Variants in DENND5B observed in about 807,000 individuals in gnomAD.
DENND5B encodes the protein DENN domain containing 5B.
A neutral mutation model predicts 140.6 loss-of-function variants in DENND5B; 34 were observed. The ratio of observed to expected loss-of-function variants is 0.24; its 90% CI spans 0.18 to 0.32. DENND5B has a LOEUF of 0.32. DENND5B is among the 10% of genes least tolerant of loss of function. DENND5B has a pLI of 1.00. For synonymous variants in DENND5B, 551 were observed against 562.1 expected, an observed-to-expected ratio of 0.98 and a Z score of 0.28; for missense variants, 1,142 against 1,560.2, an observed-to-expected ratio of 0.73 and a Z score of 4.52.
Position 31,569,913 on chromosome 12 carries a change from T to C in DENND5B, c.127+20793A>G, listed in dbSNP as rs112534654. Among the ~76,000 whole-genome samples, 235 of 151,744 alleles carry C rather than the reference T, an allele frequency of 1.5e-3. 1 individual carries two copies. The highest frequency in any genetic ancestry group is 5.2e-3 in the African/African-American group (215 of 41,380). ...CTCATTCTAAAAAATTACCAAAAAA[T>C]GGCCTGGTGCGGTGGCTCATGCCTG... On this transcript the variant is annotated intron_variant, in intron 1 of 20. Coordinates refer to ENST00000389082, the MANE Select transcript of DENND5B (RefSeq NM_144973.4).
At chr12:31,518,003 A>C (rs948083830) in intron 1 of DENND5B, among the ~76,000 whole-genome samples, 1 of 152,214 alleles carries the variant, frequency 6.6e-6, no homozygotes, top group African/African-American at 2.4e-5. Flanking sequence ...GCATTGCTGG[A>C]ATAAAAAGCC....
chr12:31,483,401 T>C (rs558183284), intron 2 of DENND5B, among the ~76,000 whole-genome samples: 4 of 152,184 alleles, frequency 2.6e-5, no homozygotes, highest in Admixed American at 6.5e-5. Context: ...CCATTTGACA[T>C]TGGAATACAC....
At chr12:31,445,807 A>C (rs1325924572) in intron 6 of DENND5B, among the ~76,000 whole-genome samples, 1 of 152,056 alleles carries the variant, frequency 6.6e-6, no homozygotes, top group East Asian at 1.9e-4. Flanking sequence ...CCAAGGTAAG[A>C]TAATAACCTG....
chr12:31,588,514 T>C (rs1950480379), intron 1 of DENND5B, among the ~76,000 whole-genome samples: 1 of 152,250 alleles, frequency 6.6e-6, no homozygotes, highest in South Asian at 2.1e-4. Flanking sequence ...TTTCTTGTCA[T>C]TATTCCCTAA....
Position 31,480,137 on chromosome 12 carries a change from A to T in DENND5B, c.356T>A (p.Phe119Tyr). The change falls in exon 3 of 21, where the codon TTT becomes TAT. Residue 119 changes from phenylalanine (F) to tyrosine (Y), a missense_variant. Coordinates refer to ENST00000389082, the MANE Select transcript of DENND5B (RefSeq NM_144973.4). ...TTGCTTACTTGTAACTTCTTCATAAAAAGTGAGAACAAAACCATAGGTGCG... is the reference window on the plus strand; with the variant it reads ...TTGCTTACTTGTAACTTCTTCATAATAAGTGAGAACAAAACCATAGGTGCG... ...GSRTYGFVLTFYEEVTSKQIC... is the reference protein window; with the variant it reads ...GSRTYGFVLTYYEEVTSKQIC... 1 of 1,611,654 alleles carries T rather than the reference A, an allele frequency of 6.2e-7. No individual in the cohort carries two copies. The highest frequency in any genetic ancestry group is 8.5e-7 in the Non-Finnish European group (1 of 1,178,660).
At chr12:31,539,718 A>C (rs1276605811) in intron 1 of DENND5B, among the ~76,000 whole-genome samples, 1 of 152,172 alleles carries the variant, frequency 6.6e-6, no homozygotes, top group Non-Finnish European at 1.5e-5. Context: ...CTTGGTATAG[A>C]AGAAACATAT....
At chr12:31,414,934 A>G (rs1450267675) in intron 12 of DENND5B, among the ~76,000 whole-genome samples, 6 of 151,084 alleles carry the variant, frequency 4.0e-5, no homozygotes, top group Non-Finnish European at 8.9e-5. Context: ...AAAAAAAAAA[A>G]AAGCCCCTGT....
intron 15 of DENND5B, 79 bp from the exon 16 acceptor site, chr12:31,399,851 G>A (rs1442794898): frequency 1.1e-5 from 12 of 1,071,552 alleles, no homozygotes; most frequent in Middle Eastern, 2.1e-4. Context: ...CTTTGGTTCC[G>A]TCTAATTTAA....
intron 14 of DENND5B, among the ~76,000 whole-genome samples, chr12:31,407,645 T>C (rs1191960027): frequency 6.6e-6 from 1 of 152,158 alleles, no homozygotes; most frequent in Non-Finnish European, 1.5e-5. Flanking sequence ...AAATTATGTC[T>C]TTCTAGCACA....
At chr12:31,404,125 TGAG>T (rs1225514111) in intron 14 of DENND5B, among the ~76,000 whole-genome samples, 2 of 151,680 alleles carry the variant, frequency 1.3e-5, no homozygotes, top group Admixed American at 6.6e-5. Context: ...CTCAGGAGGA[TGAG>T]GAGGGGGGAT....
At chr12:31,467,691 A>G (rs1314584180) in intron 3 of DENND5B, among the ~76,000 whole-genome samples, 2 of 152,198 alleles carry the variant, frequency 1.3e-5, no homozygotes, top group Non-Finnish European at 2.9e-5. Flanking sequence ...AAAATGTCTA[A>G]TTTGAGGGAT....
chr12:31,558,017 C>T (rs1370080457), intron 1 of DENND5B, among the ~76,000 whole-genome samples: 1 of 152,018 alleles, frequency 6.6e-6, no homozygotes, highest in Non-Finnish European at 1.5e-5. Context: ...CTCACCACTG[C>T]ACTAAAGCCT....
At chr12:31,469,622 C>CAGGCCA (rs1390951023) in intron 3 of DENND5B, among the ~76,000 whole-genome samples, 1 of 152,054 alleles carries the variant, frequency 6.6e-6, no homozygotes, top group Non-Finnish European at 1.5e-5. Flanking sequence ...TTGTAGTCAT[C>CAGGCCA]CAAGAAAAAA....
intron 3 of DENND5B, among the ~76,000 whole-genome samples, chr12:31,463,877 G>A (rs1029373394): frequency 1.3e-5 from 2 of 151,924 alleles, no homozygotes; most frequent in East Asian, 1.9e-4. Context: ...CATGTTGGCC[G>A]GGCTGGTCTC....
chr12:31,491,813 T>G (rs1467970880), intron 2 of DENND5B, among the ~76,000 whole-genome samples: 1 of 152,254 alleles, frequency 6.6e-6, no homozygotes, highest in Non-Finnish European at 1.5e-5. Context: ...ACATTTTATT[T>G]AACAAAGTTC....
intron 4 of DENND5B, 134 bp from the exon 5 acceptor site, chr12:31,452,610 GC>G: frequency 3.3e-6 from 3 of 921,508 alleles, no homozygotes; most frequent in Non-Finnish European, 4.7e-6. Context: ...GATCGCTTGA[GC>G]CCAGGGGTTC....
At chr12:31,393,267 C>T (rs1025325598) in intron 17 of DENND5B, among the ~76,000 whole-genome samples, 3 of 152,164 alleles carry the variant, frequency 2.0e-5, no homozygotes, top group African/African-American at 7.2e-5. Flanking sequence ...TTCAGGCGCT[C>T]TGGATAGTTA....
chr12:31,463,888 G>A (rs1216027466), intron 3 of DENND5B, among the ~76,000 whole-genome samples: 2 of 152,102 alleles, frequency 1.3e-5, no homozygotes, highest in East Asian at 1.9e-4. Flanking sequence ...GGCTGGTCTC[G>A]AACTCCTGAC....
At chr12:31,479,472 A>G (rs780469800) in intron 3 of DENND5B, 117 bp downstream of exon 3, 65 of 1,049,186 alleles carry the variant, frequency 6.2e-5, no homozygotes, top group Non-Finnish European at 7.7e-5. Flanking sequence ...CTCCCTTTAC[A>G]CAAAACAGAA....
Sources: gnomAD v4.1 joint callset for allele counts (sites outside exome capture counted in the v4.1 genomes callset) on GRCh38, gnomAD v4.1.1 for gene constraint, MANE v1.5 for transcripts, NCBI Gene and HGNC (gene_info 2026-07-23, HGNC 2026-07-21) for gene names.